The following ABTB3 variants were observed in gnomAD, a reference collection of about 807,000 sequenced individuals.
ABTB3 encodes the protein ankyrin repeat and BTB domain containing 3.
chr12:107,592,327 G>A, the ABTB3 span, among the ~76,000 whole-genome samples: 33 of 152,268 alleles, frequency 2.2e-4, no homozygotes, highest in Admixed American at 3.9e-4. Flanking sequence ...AAACACCACT[G>A]GAGGGGACTC....
At chr12:107,657,855 T>C in the ABTB3 span, 3 of 822,242 alleles carry the variant, frequency 3.6e-6, no homozygotes, top group Admixed American at 2.6e-5. Context: ...TCCCACGTGT[T>C]CCTGTTGAAA....
the ABTB3 span, among the ~76,000 whole-genome samples, chr12:107,439,689 T>C: frequency 6.6e-6 from 1 of 152,194 alleles, no homozygotes; most frequent in African/African-American, 2.4e-5. Context: ...TTTCTTTTAG[T>C]GATTGACATA....
At chr12:107,327,727 A>C in the ABTB3 span, among the ~76,000 whole-genome samples, 1 of 152,334 alleles carries the variant, frequency 6.6e-6, no homozygotes, top group African/African-American at 2.4e-5. Flanking sequence ...AGCCAATGTC[A>C]CATGTTTTAA....
chr12:107,319,894 C>G, the ABTB3 span: 1 of 1,354,480 alleles, frequency 7.4e-7, no homozygotes, highest in Non-Finnish European at 9.7e-7. Flanking sequence ...CCCCGCCGGC[C>G]GCCGCGGCCG....
chr12:107,402,882 G>C, the ABTB3 span, among the ~76,000 whole-genome samples: 2 of 152,206 alleles, frequency 1.3e-5, no homozygotes, highest in East Asian at 1.9e-4. Context: ...ACTATTTCCA[G>C]GATAGTGACA....
chr12:107,640,485 A>T, the ABTB3 span: 1 of 983,876 alleles, frequency 1.0e-6, no homozygotes, highest in East Asian at 2.5e-5. Flanking sequence ...TTTGAAGTTC[A>T]ATTTTGGTGG....
At chr12:107,411,918 G>T in the ABTB3 span, among the ~76,000 whole-genome samples, 1 of 152,170 alleles carries the variant, frequency 6.6e-6, no homozygotes, top group East Asian at 1.9e-4. Context: ...TGGGGACTGA[G>T]AGCAAGTCCT....
chr12:107,613,151 G>C, the ABTB3 span, among the ~76,000 whole-genome samples: 1 of 152,282 alleles, frequency 6.6e-6, no homozygotes. Context: ...CTTTTCCTTG[G>C]CTCGGCAGTC....
chr12:107,551,845 C>A, the ABTB3 span, among the ~76,000 whole-genome samples: 1 of 152,060 alleles, frequency 6.6e-6, no homozygotes, highest in South Asian at 2.1e-4. Context: ...CTCCACCTCC[C>A]GGGTTCAAGT....
At chr12:107,529,729 A>G in the ABTB3 span, among the ~76,000 whole-genome samples, 1 of 152,328 alleles carries the variant, frequency 6.6e-6, no homozygotes, top group South Asian at 2.1e-4. Flanking sequence ...GAGACATCAA[A>G]TAACTCACTT....
the ABTB3 span, among the ~76,000 whole-genome samples, chr12:107,485,289 C>T: frequency 0.25 from 38,526 of 151,944 alleles, 5,615 homozygotes; most frequent in South Asian, 0.35. Context: ...AATTGTTAAC[C>T]AGTGAAAGTT....
chr12:107,554,161 T>A, the ABTB3 span, among the ~76,000 whole-genome samples: 1 of 152,206 alleles, frequency 6.6e-6, no homozygotes, highest in Non-Finnish European at 1.5e-5. Flanking sequence ...GTAGGTTATG[T>A]CTCACCTGCA....
chr12:107,623,671 G>C, the ABTB3 span, among the ~76,000 whole-genome samples: 6 of 152,102 alleles, frequency 3.9e-5, no homozygotes, highest in Admixed American at 1.3e-4. Context: ...CCGGCCTCTA[G>C]CTTATTTTTC....
the ABTB3 span, among the ~76,000 whole-genome samples, chr12:107,625,441 C>T: frequency 6.6e-6 from 1 of 152,178 alleles, no homozygotes; most frequent in Admixed American, 6.5e-5. Context: ...CTTTAGCTGA[C>T]CTTCTCTGAT....
the ABTB3 span, among the ~76,000 whole-genome samples, chr12:107,508,434 A>ATTTTTTTTTTTTTTTTTTTTTTTTTTTT: frequency 5.1e-5 from 3 of 58,718 alleles, no homozygotes; most frequent in Non-Finnish European, 7.5e-5. Flanking sequence ...CTCAAAGATC[A>ATTTTTTTTTTTTTTTTTTTTTTTTTTTT]TTTCTTTTTT....
the ABTB3 span, among the ~76,000 whole-genome samples, chr12:107,482,827 TTTTC>T: frequency 3.4e-4 from 51 of 151,084 alleles, no homozygotes; most frequent in Non-Finnish European, 4.3e-4. Flanking sequence ...CTTTCTTTCT[TTTTC>T]TTTCTTTCTT....
the ABTB3 span, among the ~76,000 whole-genome samples, chr12:107,433,158 C>T: frequency 1.1e-4 from 16 of 151,198 alleles, no homozygotes; most frequent in East Asian, 3.9e-4. Flanking sequence ...GGCGCGGTGG[C>T]GGGCGCCTGT....
the ABTB3 span, among the ~76,000 whole-genome samples, chr12:107,523,508 T>A: frequency 2.0e-5 from 3 of 152,232 alleles, no homozygotes; most frequent in African/African-American, 7.2e-5. Context: ...CTGATTACAT[T>A]AAAATTCAAT....
At chr12:107,619,706 G>A in the ABTB3 span, among the ~76,000 whole-genome samples, 1 of 152,310 alleles carries the variant, frequency 6.6e-6, no homozygotes, top group Non-Finnish European at 1.5e-5. Flanking sequence ...TACATCTTGT[G>A]AAATGCAGCC....
Sources: gnomAD v4.1 joint callset for allele counts (sites outside exome capture counted in the v4.1 genomes callset) on GRCh38, gnomAD v4.1.1 for gene constraint, MANE v1.5 for transcripts, NCBI Gene and HGNC (gene_info 2026-07-23, HGNC 2026-07-21) for gene names.